Variants in STAU2 observed in about 807,000 individuals in gnomAD.
The protein encoded by STAU2 is double-stranded RNA-binding protein Staufen homolog 2.
STAU2 carries 20 observed loss-of-function variants against 65.9 expected under a neutral mutation model. The observed-to-expected ratio is 0.30, with a 90% CI of 0.21 to 0.44. The LOEUF is 0.44. Ranked by LOEUF, STAU2 falls within the 20% of genes least tolerant of loss-of-function variation. The probability of loss-of-function intolerance (pLI) is 1.00; values close to 1 mark genes in which losing one functional copy is unlikely to be tolerated. For synonymous variants in STAU2, 232 were observed against 233.9 expected (o/e 0.99, Z 0.07); for missense variants, 558 against 683.9 (o/e 0.82, Z 2.05).
At chr8:73,694,210 A>G (rs1819546829) in intron 4 of STAU2, among the ~76,000 whole-genome samples, 1 of 152,224 alleles carries the variant, frequency 6.6e-6, no homozygotes, top group Non-Finnish European at 1.5e-5. Context: ...AAAACTGACA[A>G]AACTTAAACT....
intron 6 of STAU2, among the ~76,000 whole-genome samples, chr8:73,658,741 C>T (rs1563487935): frequency 6.6e-6 from 1 of 151,714 alleles, no homozygotes; most frequent in Non-Finnish European, 1.5e-5. Flanking sequence ...GGTGAAACCC[C>T]GTCTTCACTA....
intron 1 of STAU2, among the ~76,000 whole-genome samples, chr8:73,741,258 T>TCG (rs1201002815): frequency 2.8e-5 from 4 of 140,742 alleles, no homozygotes; most frequent in African/African-American, 1.1e-4. Flanking sequence ...TGAGCCAAGA[T>TCG]CGCGCCACTG....
At chr8:73,657,659 A>G (rs1174490287) in intron 6 of STAU2, among the ~76,000 whole-genome samples, 4 of 152,056 alleles carry the variant, frequency 2.6e-5, no homozygotes, top group African/African-American at 9.7e-5. Flanking sequence ...ATTAGACTGC[A>G]ACTTCCTTTT....
intron 12 of STAU2, among the ~76,000 whole-genome samples, chr8:73,581,543 T>A (rs1262519985): frequency 1.3e-5 from 2 of 152,182 alleles, no homozygotes; most frequent in African/African-American, 4.8e-5. Flanking sequence ...TGCAATCAAT[T>A]TCATGTTTAT....
rs1156436663 is a variant in STAU2, at chr8:73,595,178, A to T, written c.1149T>A (p.Asp383Glu). The change falls in exon 11 of 15, where the codon GAT becomes GAA. Residue 383 changes from aspartate (D) to glutamate (E), a missense_variant. Asp to Glu is a conservative substitution (Grantham distance 45). Transcript: ENST00000524300. ...ACTTAACTCTTACCTTCTCAAGTTG[A>T]TCCTGAAGATTAGTGGATGCTTTAT... Reference protein sequence around the residue: ...LGYKASTNLQDQLEKTGENKG... With the variant: ...LGYKASTNLQEQLEKTGENKG... 2.7e-5 allele frequency: 43 copies of T among 1,604,784 alleles called. No homozygotes were observed. The highest frequency in any genetic ancestry group is 3.6e-5 in the Non-Finnish European group (42 of 1,177,062).
chr8:73,678,285 T>C (rs1818153121), intron 5 of STAU2, among the ~76,000 whole-genome samples: 1 of 152,132 alleles, frequency 6.6e-6, no homozygotes, highest in Non-Finnish European at 1.5e-5. Flanking sequence ...GGCATTCAAG[T>C]CGTCCCAATT....
At chr8:73,535,680 T>C (rs943690151) in intron 13 of STAU2, among the ~76,000 whole-genome samples, 2 of 152,236 alleles carry the variant, frequency 1.3e-5, no homozygotes, top group African/African-American at 4.8e-5. Context: ...TTGACATACC[T>C]ATATACATCA....
At chr8:73,669,244 T>C (rs1033673841) in intron 6 of STAU2, 3 of 577,360 alleles carry the variant, frequency 5.2e-6, no homozygotes, top group Non-Finnish European at 6.1e-6. Context: ...CTTTCCGATA[T>C]TCTTTTTACC....
intron 13 of STAU2, among the ~76,000 whole-genome samples, chr8:73,465,271 C>T (rs1819587743): frequency 6.6e-6 from 1 of 152,078 alleles, no homozygotes; most frequent in African/African-American, 2.4e-5. Context: ...CTTTTGGGTG[C>T]CTATTTTGTG....
chr8:73,545,883 G>A (rs1186363392), intron 13 of STAU2, among the ~76,000 whole-genome samples: 3 of 151,570 alleles, frequency 2.0e-5, no homozygotes, highest in Non-Finnish European at 4.4e-5. Context: ...TCCTGACCTC[G>A]TGATCCGCCC....
At chr8:73,557,976 T>C (rs896918742) in intron 12 of STAU2, among the ~76,000 whole-genome samples, 1 of 152,174 alleles carries the variant, frequency 6.6e-6, no homozygotes, top group Non-Finnish European at 1.5e-5. Context: ...CCATATGAAA[T>C]GGGCATTATT....
intron 13 of STAU2, among the ~76,000 whole-genome samples, chr8:73,499,146 C>T (rs1352635610): frequency 6.6e-6 from 1 of 151,792 alleles, no homozygotes; most frequent in Non-Finnish European, 1.5e-5. Context: ...GTTTCCAGCC[C>T]ACTTACCTGC....
chr8:73,475,175 A>G (rs997778195), intron 13 of STAU2, among the ~76,000 whole-genome samples: 9 of 152,126 alleles, frequency 5.9e-5, no homozygotes, highest in Non-Finnish European at 1.0e-4. Context: ...GTGTCTCCTG[A>G]GCAGGATACT....
chr8:73,630,399 A>C (rs183492601), intron 6 of STAU2, among the ~76,000 whole-genome samples: 130 of 152,346 alleles, frequency 8.5e-4, no homozygotes, highest in African/African-American at 3.0e-3. Context: ...CAATATTGAT[A>C]TCCAGTCTGA....
At chr8:73,611,672 GATT>G (rs954725394) in intron 9 of STAU2, among the ~76,000 whole-genome samples, 62 of 149,540 alleles carry the variant, frequency 4.1e-4, no homozygotes, top group African/African-American at 1.1e-3. Flanking sequence ...TTATTATTAT[GATT>G]ATTATTATTA....
intron 12 of STAU2, among the ~76,000 whole-genome samples, chr8:73,569,171 T>A (rs1041815779): frequency 3.9e-5 from 6 of 152,090 alleles, no homozygotes; most frequent in African/African-American, 1.2e-4. Context: ...ATCCTGCGCC[T>A]GGCTCAGAGG....
At chr8:73,614,815 G>T (rs1027069953) in intron 8 of STAU2, among the ~76,000 whole-genome samples, 1 of 151,926 alleles carries the variant, frequency 6.6e-6, no homozygotes, top group African/African-American at 2.4e-5. Context: ...CAAATTTTCC[G>T]TATCATTTCT....
chr8:73,529,588 A>C (rs753313069), intron 13 of STAU2, among the ~76,000 whole-genome samples: 1 of 152,206 alleles, frequency 6.6e-6, no homozygotes, highest in Non-Finnish European at 1.5e-5. Context: ...TGCAGTCAAA[A>C]AAATAAACTT....
chr8:73,438,447 G>A (rs901285898), intron 13 of STAU2, among the ~76,000 whole-genome samples: 1 of 152,208 alleles, frequency 6.6e-6, no homozygotes, highest in African/African-American at 2.4e-5. Flanking sequence ...CAGCATTTGG[G>A]GTGAGCCACA....
Sources: gnomAD v4.1 joint callset for allele counts (sites outside exome capture counted in the v4.1 genomes callset) on GRCh38, gnomAD v4.1.1 for gene constraint, MANE v1.5 for transcripts, NCBI Gene and HGNC (gene_info 2026-07-23, HGNC 2026-07-21) for gene names.